KRT8: variants seen among roughly 807,000 people sequenced by gnomAD.
The protein encoded by KRT8 is keratin 8.
Under a neutral mutation model 43.0 loss-of-function variants are expected in KRT8, and 24 were observed. That is an observed-to-expected ratio of 0.56 (90% CI 0.40 to 0.78). The LOEUF is 0.78. Ranked by LOEUF, KRT8 falls within the 30% of genes least tolerant of loss-of-function variation. The pLI is 0.00. For synonymous variants in KRT8, 214 were observed against 261.2 expected, an observed-to-expected ratio of 0.82 and a Z score of 1.74; for missense variants, 492 against 638.4, an observed-to-expected ratio of 0.77 and a Z score of 2.47.
At chr12:52,901,210 A>G (rs748753783) in exon 3 of KRT8, 5 of 1,575,544 alleles carry the variant, frequency 3.2e-6, no homozygotes, top group African/African-American at 1.3e-5. Flanking sequence ...TATTGATCTC[A>G]TCCTCATACC....
chr12:52,926,520 G>A (rs1280529831), intron 2 of KRT8: 5 of 1,439,658 alleles, frequency 3.5e-6, no homozygotes, highest in Non-Finnish European at 4.7e-6. Flanking sequence ...AGTCACCTCT[G>A]CCGGAAGTGG....
chr12:52,917,518 G>T (rs1941765175), intron 2 of KRT8, among the ~76,000 whole-genome samples: 2 of 151,756 alleles, frequency 1.3e-5, no homozygotes, highest in Admixed American at 1.3e-4. Flanking sequence ...GACCACCCTG[G>T]CCAATATGGT....
chr12:52,926,611 C>T, intron 2 of KRT8: 2 of 641,650 alleles, frequency 3.1e-6, no homozygotes, highest in East Asian at 2.8e-5. Context: ...TGTCTGAGCT[C>T]CCCTCCCTGA....
chr12:52,897,398 G>A, exon 8 of KRT8: 2 of 1,581,006 alleles, frequency 1.3e-6, no homozygotes, highest in Non-Finnish European at 1.7e-6. Flanking sequence ...AGCGCAGGAG[G>A]GGTAGGCTGG....
chr12:52,937,524 C>T (rs982755080), intron 2 of KRT8, among the ~76,000 whole-genome samples: 1 of 150,940 alleles, frequency 6.6e-6, no homozygotes, highest in African/African-American at 2.4e-5. Context: ...CCTGTCTCTA[C>T]AAAATATACA....
chr12:52,920,933 C>T (rs968539158), intron 2 of KRT8, among the ~76,000 whole-genome samples: 9 of 152,164 alleles, frequency 5.9e-5, no homozygotes, highest in South Asian at 2.1e-4. Context: ...CTAGAGAGCA[C>T]GCAGCTCAGC....
At chr12:52,902,377 A>G (rs1359953143) in intron 1 of KRT8, among the ~76,000 whole-genome samples, 1 of 152,164 alleles carries the variant, frequency 6.6e-6, no homozygotes, top group African/African-American at 2.4e-5. Flanking sequence ...TATATTACAC[A>G]TCAATAAAAA....
chr12:52,905,655 G>A (rs1941497602), upstream of KRT8, among the ~76,000 whole-genome samples: 1 of 152,104 alleles, frequency 6.6e-6, no homozygotes, highest in Non-Finnish European at 1.5e-5. Flanking sequence ...AGTGCCAAGA[G>A]GGTCTGGGTA....
intron 2 of KRT8, among the ~76,000 whole-genome samples, chr12:52,938,644 G>C (rs1172811933): frequency 2.0e-5 from 3 of 150,638 alleles, no homozygotes; most frequent in Non-Finnish European, 3.0e-5. Flanking sequence ...TTGAGACGGA[G>C]TCTCGCTCTG....
chr12:52,935,235 A>AGCT (rs1246288005), intron 2 of KRT8, among the ~76,000 whole-genome samples: 1 of 150,946 alleles, frequency 6.6e-6, no homozygotes, highest in East Asian at 2.0e-4. Flanking sequence ...ACAAAAAATT[A>AGCT]GCTGGGGGTG....
chr12:52,911,627 C>G (rs1391143155), upstream of KRT8, among the ~76,000 whole-genome samples: 1 of 152,130 alleles, frequency 6.6e-6, no homozygotes, highest in East Asian at 1.9e-4. Flanking sequence ...CTATTTTTAC[C>G]AGATGAGGCA....
intron 2 of KRT8, chr12:52,926,354 G>C: frequency 1.7e-6 from 1 of 604,262 alleles, no homozygotes; most frequent in Non-Finnish European, 2.7e-6. Context: ...CCACCCCCAG[G>C]ACTGTGCCCT....
upstream of KRT8, among the ~76,000 whole-genome samples, chr12:52,909,992 G>A (rs1941600953): frequency 2.0e-5 from 3 of 151,678 alleles, no homozygotes; most frequent in South Asian, 2.1e-4. Flanking sequence ...AGCCTGACTC[G>A]AACTCCTGGA....
chr12:52,921,022 A>G (rs1941875716), intron 2 of KRT8, among the ~76,000 whole-genome samples: 1 of 152,176 alleles, frequency 6.6e-6, no homozygotes, highest in African/African-American at 2.4e-5. Context: ...GACTAAGATA[A>G]CCCCAACTCA....
At chr12:52,918,303 CAGGCAGA>C (rs1472378330) in intron 2 of KRT8, among the ~76,000 whole-genome samples, 2 of 151,652 alleles carry the variant, frequency 1.3e-5, no homozygotes, top group African/African-American at 4.9e-5. Context: ...GAGGAGGGTT[CAGGCAGA>C]AGGTCAAGGG....
intron 2 of KRT8, among the ~76,000 whole-genome samples, chr12:52,939,221 CT>C (rs1942227875): frequency 6.6e-6 from 1 of 152,142 alleles, no homozygotes; most frequent in Non-Finnish European, 1.5e-5. Flanking sequence ...GAAGAATAAA[CT>C]TGGCCAGGCA....
At chr12:52,935,714 GCTCCATATAA>G (rs1257410357) in intron 2 of KRT8, among the ~76,000 whole-genome samples, 2 of 150,750 alleles carry the variant, frequency 1.3e-5, no homozygotes, top group South Asian at 2.1e-4. Context: ...TGTGATCATA[GCTCCATATAA>G]CCTTCAACTC....
intron 2 of KRT8, among the ~76,000 whole-genome samples, chr12:52,918,600 T>C (rs531977740): frequency 2.1e-4 from 32 of 152,314 alleles, no homozygotes; most frequent in African/African-American, 7.2e-4. Context: ...CAGAAGAATT[T>C]CGCAGCCACT....
At chr12:52,909,317 C>T (rs1452399755), upstream of KRT8, among the ~76,000 whole-genome samples, 2 of 152,186 alleles carry the variant, frequency 1.3e-5, no homozygotes, top group Admixed American at 1.3e-4. Context: ...CCCGAAATCC[C>T]TTTAAATGAT....
Sources: allele counts gnomAD v4.1 joint callset (sites outside exome capture counted in the v4.1 genomes callset), GRCh38; gene constraint gnomAD v4.1.1; transcripts MANE v1.5; gene names NCBI Gene and HGNC (gene_info 2026-07-23, HGNC 2026-07-21).